The following AGBL4 variants were observed in gnomAD, a reference collection of about 807,000 sequenced individuals.
The protein encoded by AGBL4 is cytosolic carboxypeptidase 6.
A neutral mutation model predicts 66.4 loss-of-function variants in AGBL4; 58 were observed. That is an observed-to-expected ratio of 0.87 (90% CI 0.71 to 1.09). The LOEUF is 1.09. Among genes scored for constraint, AGBL4 ranks in the 50% least tolerant of loss-of-function variants. AGBL4 has a pLI of 0.00. For synonymous variants in AGBL4, 234 were observed against 222.9 expected, an observed-to-expected ratio of 1.05 and a Z score of -0.44; for missense variants, 579 against 631.0, an observed-to-expected ratio of 0.92 and a Z score of 0.88.
At chr1:49,000,760 T>C (rs1004395918) in intron 5 of AGBL4, among the ~76,000 whole-genome samples, 5 of 152,162 alleles carry the variant, frequency 3.3e-5, no homozygotes, top group Non-Finnish European at 7.4e-5. Flanking sequence ...CTGCATATTA[T>C]AGGATGTGAG....
At chr1:49,495,615 C>T (rs946374137) in intron 3 of AGBL4, among the ~76,000 whole-genome samples, 3 of 151,236 alleles carry the variant, frequency 2.0e-5, no homozygotes, top group Non-Finnish European at 4.4e-5. Flanking sequence ...TAAAAATTTC[C>T]AGAAATAACA....
chr1:49,409,563 C>A (rs1041875884), intron 3 of AGBL4, among the ~76,000 whole-genome samples: 2 of 152,210 alleles, frequency 1.3e-5, no homozygotes, highest in East Asian at 3.9e-4. Flanking sequence ...GGTGACAGAG[C>A]TACTTAGAGA....
At position 49,772,562 on chromosome 1, in the gene AGBL4, TACTC is replaced by T. The variant is rs1644093190; in HGVS notation, c.158-75129_158-75126del. Among the ~76,000 whole-genome samples, 7 of 152,296 alleles carry T rather than the reference TACTC, an allele frequency of 4.6e-5. No homozygotes were observed. The East Asian group carries it at 9.7e-4, about 21-fold the overall frequency. Reference sequence around the variant, plus strand: ...GTAAGGCCAGTCTATTGATGAGAGATACTCAGTTGTTACTTGTCTGGGAAGGTCT... The same window carrying T: ...GTAAGGCCAGTCTATTGATGAGAGATAGTTGTTACTTGTCTGGGAAGGTCT... On this transcript the variant is annotated intron_variant, in intron 2 of 13. Transcript: ENST00000371839.
chr1:48,556,353 T>C (rs1391868637), intron 11 of AGBL4, among the ~76,000 whole-genome samples: 7 of 152,156 alleles, frequency 4.6e-5, no homozygotes, highest in Non-Finnish European at 4.4e-5. Context: ...TGCCTCCCTC[T>C]CTTTAATATA....
intron 5 of AGBL4, among the ~76,000 whole-genome samples, chr1:48,932,423 A>C (rs1655109313): frequency 6.6e-6 from 1 of 152,172 alleles, no homozygotes; most frequent in Non-Finnish European, 1.5e-5. Context: ...TGAATTTGAA[A>C]GAATATGGGG....
intron 4 of AGBL4, among the ~76,000 whole-genome samples, chr1:49,083,278 C>T (rs1324826475): frequency 1.3e-5 from 2 of 152,236 alleles, no homozygotes; most frequent in African/African-American, 4.8e-5. Context: ...TCCAACCCCA[C>T]ATTTCTCTTC....
At chr1:49,460,757 T>TA (rs1191021128) in intron 3 of AGBL4, among the ~76,000 whole-genome samples, 4 of 151,740 alleles carry the variant, frequency 2.6e-5, no homozygotes, top group Non-Finnish European at 5.9e-5. Context: ...TTTCAAGACT[T>TA]AGAGTTCTTT....
intron 2 of AGBL4, among the ~76,000 whole-genome samples, chr1:49,787,916 A>G (rs1644500673): frequency 6.6e-6 from 1 of 152,092 alleles, no homozygotes; most frequent in South Asian, 2.1e-4. Context: ...CCAAACCCCC[A>G]GAAAAAAAAA....
chr1:48,971,598 A>C (rs539374652), intron 5 of AGBL4, among the ~76,000 whole-genome samples: 23 of 152,318 alleles, frequency 1.5e-4, no homozygotes, highest in African/African-American at 5.5e-4. Context: ...TATTTATAGA[A>C]AGTTCAAGAA....
At chr1:49,309,391 T>G (rs1644905515) in intron 3 of AGBL4, among the ~76,000 whole-genome samples, 1 of 152,088 alleles carries the variant, frequency 6.6e-6, no homozygotes, top group Non-Finnish European at 1.5e-5. Flanking sequence ...ATTCACTGTG[T>G]CAAGAGTGGC....
chr1:49,517,489 G>A (rs891170017), intron 3 of AGBL4, among the ~76,000 whole-genome samples: 1 of 151,892 alleles, frequency 6.6e-6, no homozygotes, highest in Non-Finnish European at 1.5e-5. Flanking sequence ...AGTGACAGAA[G>A]AATGAGGGTC....
intron 3 of AGBL4, among the ~76,000 whole-genome samples, 154 bp from the exon 4 acceptor site, chr1:49,246,018 T>C (rs183739107): frequency 1.3e-5 from 2 of 152,074 alleles, no homozygotes; most frequent in Admixed American, 1.3e-4. Context: ...GAGAATGTAA[T>C]GTGTTTGTGC....
chr1:48,763,749 G>A (rs1379798102), intron 6 of AGBL4, among the ~76,000 whole-genome samples: 2 of 152,192 alleles, frequency 1.3e-5, no homozygotes, highest in Admixed American at 1.3e-4. Flanking sequence ...ACATCTGGAT[G>A]GAGAATGAAC....
intron 6 of AGBL4, among the ~76,000 whole-genome samples, chr1:48,852,633 C>T (rs1056494347): frequency 1.3e-5 from 2 of 152,174 alleles, no homozygotes; most frequent in African/African-American, 4.8e-5. Context: ...AAATGTTTCA[C>T]ACTTTCACTA....
intron 5 of AGBL4, among the ~76,000 whole-genome samples, chr1:48,989,443 G>A (rs1660435882): frequency 6.6e-6 from 1 of 151,424 alleles, no homozygotes; most frequent in Admixed American, 6.6e-5. Flanking sequence ...TCACCCTGTT[G>A]TGCTACCAAT....
chr1:48,880,906 A>T lies in AGBL4; in HGVS notation c.595-13676T>A, dbSNP rs539635135. On this transcript the variant is annotated intron_variant, in intron 5 of 13. Coordinates refer to ENST00000371839, the MANE Select transcript of AGBL4 (RefSeq NM_032785.4). ...TAATAAGAATTTTTCCAATACTGTT[A>T]CATAGTCATCGTGAATGTTATTTTA... Among the ~76,000 whole-genome samples, 56 of 152,318 alleles carry T rather than the reference A, an allele frequency of 3.7e-4. No homozygotes were observed. The Middle Eastern group carries it at 0.01, about 28-fold the overall frequency.
chr1:48,793,727 T>C (rs1396809661), intron 6 of AGBL4, among the ~76,000 whole-genome samples: 1 of 152,164 alleles, frequency 6.6e-6, no homozygotes, highest in African/African-American at 2.4e-5. Context: ...TGACTGACAT[T>C]GAAGGGGTAT....
intron 3 of AGBL4, among the ~76,000 whole-genome samples, chr1:49,258,343 C>A (rs972377582): frequency 1.3e-5 from 2 of 152,044 alleles, no homozygotes; most frequent in African/African-American, 4.8e-5. Flanking sequence ...AGGCTTCAGA[C>A]GATCAAACTA....
intron 2 of AGBL4, among the ~76,000 whole-genome samples, chr1:49,791,454 C>G (rs894920749): frequency 6.6e-6 from 1 of 151,980 alleles, no homozygotes; most frequent in Non-Finnish European, 1.5e-5. Context: ...ATTGTCTTCC[C>G]CAAAATCAGG....
Sources: allele counts gnomAD v4.1 joint callset (sites outside exome capture counted in the v4.1 genomes callset), GRCh38; gene constraint gnomAD v4.1.1; transcripts MANE v1.5; gene names NCBI Gene and HGNC (gene_info 2026-07-23, HGNC 2026-07-21).